OTUD7A: variants seen among roughly 807,000 people sequenced by gnomAD.
OTUD7A encodes the protein OTU deubiquitinase 7A, also known as OTU domain-containing protein 7A.
In OTUD7A, 12 loss-of-function variants were observed where a neutral mutation model predicts 65.7. That is an observed-to-expected ratio of 0.18 (90% confidence interval 0.12 to 0.30). The LOEUF (loss-of-function observed/expected upper bound fraction) is 0.30, where lower values mean the gene tolerates loss of function less well. OTUD7A is among the 10% of genes least tolerant of loss of function. The pLI is 1.00. For missense variants in OTUD7A, 1,148 were observed against 1,304.8 expected (o/e 0.88, Z 1.85); for synonymous variants, 641 against 586.3 (o/e 1.09, Z -1.35).
At chr15:31,593,233 T>C (rs916392939) in intron 3 of OTUD7A, among the ~76,000 whole-genome samples, 12 of 152,028 alleles carry the variant, frequency 7.9e-5, no homozygotes, top group Non-Finnish European at 1.5e-4. Flanking sequence ...CAGTCGATCA[T>C]TGACTTCAAA....
chr15:31,829,800 C>T (rs1428411422), intron 1 of OTUD7A, among the ~76,000 whole-genome samples: 1 of 152,204 alleles, frequency 6.6e-6, no homozygotes, highest in Non-Finnish European at 1.5e-5. Flanking sequence ...AAGGAAAAGG[C>T]TGTTCCTTAC....
chr15:31,766,819 A>C (rs954903223), intron 1 of OTUD7A: 1 of 1,612,792 alleles, frequency 6.2e-7, no homozygotes, highest in East Asian at 2.2e-5. Flanking sequence ...CTCTAAAAAC[A>C]GTTTATTATT....
intron 1 of OTUD7A, among the ~76,000 whole-genome samples, chr15:31,670,039 G>A (rs1892440355): frequency 6.9e-6 from 1 of 144,082 alleles, no homozygotes; most frequent in Non-Finnish European, 1.5e-5. Flanking sequence ...TCCTTCAGAG[G>A]GTCTGTGGGT....
chr15:31,636,968 C>T (rs1891360696), intron 3 of OTUD7A, among the ~76,000 whole-genome samples: 1 of 152,142 alleles, frequency 6.6e-6, no homozygotes, highest in Non-Finnish European at 1.5e-5. Context: ...AAGCCATCTT[C>T]AATAACATAA....
At chr15:31,666,053 G>T (rs558933966) in intron 1 of OTUD7A, among the ~76,000 whole-genome samples, 5 of 151,256 alleles carry the variant, frequency 3.3e-5, no homozygotes, top group Non-Finnish European at 5.9e-5. Flanking sequence ...GTTGGATTCT[G>T]TTAGCCAGTA....
Position 31,633,218 on chromosome 15 carries a change from C to T in OTUD7A, c.151+21878G>A, listed in dbSNP as rs373583787. 2.9e-3 allele frequency among the ~76,000 whole-genome samples: 446 copies of T among 152,260 alleles called. 5 individuals carry two copies. Among genetic ancestry groups the T allele is most frequent in the African/African-American group, 0.01 (427 of 41,546 alleles). On this transcript the variant is annotated intron_variant, in intron 3 of 12. Transcript: ENST00000307050. ...AATCACCCGTCTTCTGTGTTGCTCA[C>T]GCTGGAAGCTGTAGACCAGAGCTGT...
intron 10 of OTUD7A, among the ~76,000 whole-genome samples, chr15:31,500,064 G>A (rs1288511048): frequency 1.3e-5 from 2 of 152,318 alleles, no homozygotes; most frequent in South Asian, 2.1e-4. Context: ...ACTGGGAGAC[G>A]CTGGCCTTGG....
In OTUD7A at chr15:31,832,960, T is replaced by A. The variant is rs1439312300; in HGVS notation, c.-100+37547A>T. On this transcript the variant is annotated intron_variant, in intron 1 of 12. Coordinates refer to ENST00000307050, the MANE Select transcript of OTUD7A (RefSeq NM_001382637.1). ...ATTCTTTTGGACATACACCCAAAAG[T>A]GGGACTGCTGGATCCTACGGTAATT... Among the ~76,000 whole-genome samples the A allele has an allele frequency of 2.0e-5, 3 of 152,192 alleles. No homozygotes were observed. The East Asian group carries it at 5.8e-4, about 29-fold the overall frequency.
intron 5 of OTUD7A, chr15:31,557,659 A>G (rs1888542649): frequency 6.6e-6 from 1 of 152,074 alleles, no homozygotes; most frequent in African/African-American, 2.4e-5. Context: ...GTGTCCTTAA[A>G]TCCTGCCCAC....
chr15:31,787,820 T>C (rs925063091), intron 1 of OTUD7A: 1 of 152,202 alleles, frequency 6.6e-6, no homozygotes, highest in Non-Finnish European at 1.5e-5. Flanking sequence ...TAGGCAACAG[T>C]TCAGTCTTTT....
chr15:31,723,190 C>T (rs1295138957), intron 1 of OTUD7A, among the ~76,000 whole-genome samples: 4 of 152,154 alleles, frequency 2.6e-5, no homozygotes, highest in Non-Finnish European at 5.9e-5. Flanking sequence ...GGGATGGCTG[C>T]GTGGCAAGGG....
At chr15:31,818,781 T>C (rs1200365569) in intron 1 of OTUD7A, among the ~76,000 whole-genome samples, 2 of 152,246 alleles carry the variant, frequency 1.3e-5, no homozygotes, top group African/African-American at 4.8e-5. Context: ...GAACTCATGG[T>C]GATTGATACA....
chr15:31,757,388 T>G (rs910147866), intron 1 of OTUD7A, among the ~76,000 whole-genome samples: 1 of 150,932 alleles, frequency 6.6e-6, no homozygotes, highest in Non-Finnish European at 1.5e-5. Flanking sequence ...TATAAAGGGT[T>G]CTTGGCACAG....
chr15:31,485,468 C>T (rs569856295), intron 12 of OTUD7A, among the ~76,000 whole-genome samples: 1 of 152,148 alleles, frequency 6.6e-6, no homozygotes, highest in African/African-American at 2.4e-5. Flanking sequence ...CCAGAAAAGT[C>T]CCCCTGGGTG....
rs77344822 is a variant in OTUD7A, at chr15:31,526,176, C to T, written c.893+173G>A. On this transcript the variant is annotated intron_variant, in intron 8 of 12. Coordinates refer to ENST00000307050, the MANE Select transcript of OTUD7A (RefSeq NM_001382637.1). Reference sequence around the variant, plus strand: ...ACCTGGCGGGGCCAGCCATCACCCACGGTCCTCCCGTGCGTCCTTGTCTTG... The same window carrying T: ...ACCTGGCGGGGCCAGCCATCACCCATGGTCCTCCCGTGCGTCCTTGTCTTG... Among the ~76,000 whole-genome samples the T allele has an allele frequency of 1.1e-3, 172 of 152,350 alleles. 2 individuals carry two copies. The East Asian group carries it at 0.032, about 29-fold the overall frequency.
chr15:31,854,549 A>G (rs1228558934), intron 1 of OTUD7A, among the ~76,000 whole-genome samples: 1 of 152,140 alleles, frequency 6.6e-6, no homozygotes, highest in Non-Finnish European at 1.5e-5. Context: ...TGAAGCTGCC[A>G]TCACTCTGGT....
At chr15:31,812,235 C>T (rs953467509) in intron 1 of OTUD7A, among the ~76,000 whole-genome samples, 2 of 137,158 alleles carry the variant, frequency 1.5e-5, no homozygotes, top group Admixed American at 1.4e-4. Context: ...CCAGCTGACC[C>T]TGTTCAGGGA....
chr15:31,544,390 A>C (rs1189955557), intron 5 of OTUD7A, among the ~76,000 whole-genome samples: 1 of 151,788 alleles, frequency 6.6e-6, no homozygotes, highest in Admixed American at 6.6e-5. Context: ...AGGAGTCAGT[A>C]AACTTTGGTC....
intron 1 of OTUD7A, among the ~76,000 whole-genome samples, chr15:31,778,704 T>C (rs145414254): frequency 2.6e-5 from 4 of 152,100 alleles, no homozygotes; most frequent in East Asian, 1.9e-4. Context: ...AATTAATTCG[T>C]TGAAAAAGTA....
Sources: allele counts gnomAD v4.1 joint callset (sites outside exome capture counted in the v4.1 genomes callset), GRCh38; gene constraint gnomAD v4.1.1; transcripts MANE v1.5; gene names NCBI Gene and HGNC (gene_info 2026-07-23, HGNC 2026-07-21).